The following CDH22 variants were observed in gnomAD, a reference collection of about 807,000 sequenced individuals.
CDH22 encodes cadherin-22.
CDH22 carries 30 observed loss-of-function variants against 58.4 expected under a neutral mutation model. The observed-to-expected ratio is 0.51, with a 90% confidence interval of 0.38 to 0.70. CDH22 has a LOEUF of 0.70. Ranked by LOEUF, CDH22 falls within the 30% of genes least tolerant of loss-of-function variation. CDH22 has a pLI of 0.00. For missense variants in CDH22, 1,014 were observed against 1,233.9 expected (o/e 0.82, Z 2.67); for synonymous variants, 513 against 558.2 (o/e 0.92, Z 1.14).
intron 3 of CDH22, among the ~76,000 whole-genome samples, chr20:46,231,222 C>A (rs1479430369): frequency 6.6e-6 from 1 of 152,202 alleles, no homozygotes; most frequent in Non-Finnish European, 1.5e-5. Flanking sequence ...GGTTGCCCAA[C>A]TGATTCTTGG....
chr20:46,213,108 C>T lies in CDH22; in HGVS notation c.919G>A (p.Gly307Arg). ...GRVKAEDSDV[G>R]ENTDMTYHLK... The stretch of plus-strand genomic sequence containing the variant: ...TGGTAAGTCATGTCTGTGTTCTCTC[C>T]CACGTCTGAGTCCTCAGCCTTCACA... The change falls in exon 6 of 12, where the codon GGA (glycine) becomes AGA (arginine). Residue 307 changes from glycine to arginine, a missense_variant. Transcript: ENST00000537909. 1 of 1,614,166 alleles carries T rather than the reference C, an allele frequency of 6.2e-7. No individual in the cohort carries two copies. Among genetic ancestry groups the T allele is most frequent in the Non-Finnish European group, 8.5e-7 (1 of 1,180,022 alleles).
chr20:46,236,077 C>T (rs1458091399), intron 3 of CDH22, among the ~76,000 whole-genome samples: 1 of 152,160 alleles, frequency 6.6e-6, no homozygotes, highest in African/African-American at 2.4e-5. Context: ...TGCTATGCCT[C>T]AGGACCCTTG....
intron 7 of CDH22, among the ~76,000 whole-genome samples, chr20:46,201,744 A>T (rs1211683811): frequency 2.2e-4 from 33 of 152,170 alleles, no homozygotes; most frequent in Admixed American, 2.2e-3. Flanking sequence ...TTAATGCTCC[A>T]TACTGTTCCT....
chr20:46,306,909 C>T lies in CDH22; in HGVS notation c.-400+1346G>A, dbSNP rs2086680348. On this transcript the variant is annotated intron_variant, in intron 1 of 11. Transcript: ENST00000537909. ...AGAGTCGCGGTGGTTAGGGAGGAGCCTTTGGGCCCTAGGGCAGTGGTGATG... is the reference window on the plus strand; with the variant it reads ...AGAGTCGCGGTGGTTAGGGAGGAGCTTTTGGGCCCTAGGGCAGTGGTGATG... 2.0e-5 allele frequency among the ~76,000 whole-genome samples: 3 copies of T among 152,152 alleles called. No individual in the cohort carries two copies. In the South Asian group the frequency reaches 6.2e-4, roughly 32 times the overall value.
chr20:46,200,874 G>T (rs1165845538), intron 7 of CDH22, among the ~76,000 whole-genome samples: 1 of 152,204 alleles, frequency 6.6e-6, no homozygotes, highest in Non-Finnish European at 1.5e-5. Flanking sequence ...GGGCCGCGGC[G>T]TGGACACGCC....
intron 2 of CDH22, among the ~76,000 whole-genome samples, chr20:46,249,963 A>G (rs2086358347): frequency 6.6e-6 from 1 of 152,190 alleles, no homozygotes; most frequent in South Asian, 2.1e-4. Context: ...TTGCCTACTC[A>G]GTGCCTGGTG....
rs538742830 is a variant in CDH22, at chr20:46,216,992, G to A, written c.672C>T (p.Gly224=). ...GGTCAGGCACAGCCGTCCGGATTAC[G>A]CCTGTGGGTGAGTGAGGGTGAGGCC... ...EHHFTVDPKT[G]VIRTAVPDLD... Residue 224 remains glycine, a splice_region_variant and synonymous_variant, in exon 5 of 12, where the codon GGC becomes GGT. Coordinates refer to ENST00000537909, the MANE Select transcript of CDH22 (RefSeq NM_021248.3). The surrounding 1 kb of genome is among the most constrained non-coding windows in gnomAD (Gnocchi z 5.3). 1.4e-5 allele frequency: 22 copies of A among 1,586,306 alleles called. 1 individual carries two copies. In the South Asian group the frequency reaches 2.1e-4, roughly 15 times the overall value.
chr20:46,295,314 A>G (rs903408250), intron 1 of CDH22, among the ~76,000 whole-genome samples: 1 of 151,896 alleles, frequency 6.6e-6, no homozygotes, highest in Admixed American at 6.6e-5. Flanking sequence ...AGCTGGCTGG[A>G]CTCTAGCTCT....
At chr20:46,230,276 G>A (rs533777315) in intron 3 of CDH22, among the ~76,000 whole-genome samples, 19 of 152,288 alleles carry the variant, frequency 1.2e-4, no homozygotes, top group Admixed American at 3.3e-4. Context: ...TGATATAGAC[G>A]CAGTGGTTTG....
At chr20:46,266,756 T>C (rs1409928394) in intron 1 of CDH22, among the ~76,000 whole-genome samples, 1 of 152,060 alleles carries the variant, frequency 6.6e-6, no homozygotes, top group African/African-American at 2.4e-5. Context: ...TTCTATACAA[T>C]GGAAGGTCAA....
intron 1 of CDH22, among the ~76,000 whole-genome samples, chr20:46,259,881 G>GA (rs1312101173): frequency 3.9e-5 from 6 of 151,920 alleles, no homozygotes; most frequent in East Asian, 3.9e-4. Context: ...AATGAAATGA[G>GA]AAAAAAAAGA....
At chr20:46,203,143 C>G (rs966687910) in intron 7 of CDH22, among the ~76,000 whole-genome samples, 1 of 151,576 alleles carries the variant, frequency 6.6e-6, no homozygotes, top group East Asian at 1.9e-4. Flanking sequence ...GGCCATAGGG[C>G]GGGGGCAGCG....
intron 1 of CDH22, among the ~76,000 whole-genome samples, chr20:46,274,607 C>T (rs529081571): frequency 4.6e-5 from 7 of 152,248 alleles, no homozygotes; most frequent in African/African-American, 1.7e-4. Context: ...AAACATATGT[C>T]CACATAAAAG....
At chr20:46,178,586 C>CTTTTTTTTTTT (rs33937889) in intron 10 of CDH22, among the ~76,000 whole-genome samples, 13 of 95,366 alleles carry the variant, frequency 1.4e-4, no homozygotes, top group South Asian at 7.7e-4. Context: ...CTGGCGTTGT[C>CTTTTTTTTTTT]TTTTTTTTTT....
chr20:46,223,584 C>A (rs1197172460), intron 4 of CDH22, among the ~76,000 whole-genome samples: 1 of 152,102 alleles, frequency 6.6e-6, no homozygotes, highest in Non-Finnish European at 1.5e-5. Flanking sequence ...AAGGTCACTT[C>A]CCCAGAAAGG....
chr20:46,210,799 G>C lies in CDH22; in HGVS notation c.1033-239C>G, dbSNP rs1355403680. 6.6e-6 allele frequency among the ~76,000 whole-genome samples: 1 copy of C among 152,218 alleles called. No homozygotes were observed. Among genetic ancestry groups the C allele is most frequent in the African/African-American group, 2.4e-5 (1 of 41,466 alleles). ...AAGGACACAGCCACTCCAGGCTAACGCGCTGAGCACCCAAACTTCCTGCTT... is the reference window on the plus strand; with the variant it reads ...AAGGACACAGCCACTCCAGGCTAACCCGCTGAGCACCCAAACTTCCTGCTT... On this transcript the variant is annotated intron_variant, in intron 6 of 11. Coordinates refer to ENST00000537909, the MANE Select transcript of CDH22 (RefSeq NM_021248.3). The surrounding 1 kb of genome is among the most constrained non-coding windows in gnomAD (Gnocchi z 4.5).
At chr20:46,205,385 T>A (rs1018384244) in intron 7 of CDH22, among the ~76,000 whole-genome samples, 4 of 152,174 alleles carry the variant, frequency 2.6e-5, no homozygotes, top group Admixed American at 2.0e-4. Context: ...TATTATGATG[T>A]CTATTTTAGA....
rs1038300676 is a variant in CDH22 at position 46,205,545 on chromosome 20, G to A, written c.1286+4762C>T. On this transcript the variant is annotated intron_variant, in intron 7 of 11. Coordinates refer to ENST00000537909, the MANE Select transcript of CDH22 (RefSeq NM_021248.3). ...GGAGTGCTGGGTGGAGAAAGGAAGT[G>A]TTCGCTTCCTCTGCTGCAGTGTGGA... Among the ~76,000 whole-genome samples, 7 of 152,272 alleles carry A rather than the reference G, an allele frequency of 4.6e-5. No homozygotes were observed. In the East Asian group the frequency reaches 1.2e-3, roughly 25 times the overall value.
At chr20:46,288,204 T>C (rs990361385) in intron 1 of CDH22, among the ~76,000 whole-genome samples, 1 of 152,160 alleles carries the variant, frequency 6.6e-6, no homozygotes, top group Non-Finnish European at 1.5e-5. Context: ...GGATTTTGTA[T>C]GAATCACTCA....
Sources: allele counts gnomAD v4.1 joint callset (sites outside exome capture counted in the v4.1 genomes callset), GRCh38; gene constraint gnomAD v4.1.1; non-coding constraint Gnocchi (gnomAD v3.1); transcripts MANE v1.5; gene names NCBI Gene and HGNC (gene_info 2026-07-23, HGNC 2026-07-21).